ABI3BP: variants seen among roughly 807,000 people sequenced by gnomAD.
ABI3BP encodes the protein ABI family member 3 binding protein.
A neutral mutation model predicts 268.6 loss-of-function variants in ABI3BP; 216 were observed. The observed-to-expected ratio is 0.80, with a 90% confidence interval of 0.72 to 0.90. The LOEUF is 0.90. Ranked by LOEUF, ABI3BP falls within the 40% of genes least tolerant of loss-of-function variation. The pLI, the probability that ABI3BP is intolerant of heterozygous loss-of-function variation, is 0.00. For synonymous variants in ABI3BP, 730 were observed against 730.0 expected, an observed-to-expected ratio of 1.00 and a Z score of 0.00; for missense variants, 2,090 against 2,182.4, an observed-to-expected ratio of 0.96 and a Z score of 0.84.
intron 4 of ABI3BP, among the ~76,000 whole-genome samples, chr3:100,889,908 C>A (rs775725408): frequency 2.0e-5 from 3 of 152,112 alleles, no homozygotes; most frequent in African/African-American, 2.4e-5. Flanking sequence ...GGCATCTCTC[C>A]ACCCTCTTAA....
At chr3:100,867,333 T>A (rs567437867) in intron 9 of ABI3BP, among the ~76,000 whole-genome samples, 63 of 152,178 alleles carry the variant, frequency 4.1e-4, no homozygotes, top group Middle Eastern at 3.4e-3. Flanking sequence ...CTGCCAATTT[T>A]AAAAAATCAA....
intron 1 of ABI3BP, among the ~76,000 whole-genome samples, chr3:100,959,489 C>CAAAAAAAA (rs35465693): frequency 8.1e-4 from 29 of 35,960 alleles, no homozygotes; most frequent in Non-Finnish European, 1.2e-3. Context: ...GACTCCGTCT[C>CAAAAAAAA]AAAAAAAAAA....
chr3:100,935,006 C>A (rs973892305), intron 1 of ABI3BP, among the ~76,000 whole-genome samples: 5 of 151,738 alleles, frequency 3.3e-5, no homozygotes, highest in African/African-American at 9.7e-5. Flanking sequence ...TCTATTCTGG[C>A]TTTTGTTGCC....
intron 51 of ABI3BP, among the ~76,000 whole-genome samples, chr3:100,797,884 C>A (rs894271463): frequency 6.6e-6 from 1 of 151,940 alleles, no homozygotes; most frequent in Non-Finnish European, 1.5e-5. Flanking sequence ...AGAAAGCCCA[C>A]CACAATAGTG....
chr3:100,827,215 G>T (rs1001186746), intron 34 of ABI3BP, among the ~76,000 whole-genome samples: 1 of 152,048 alleles, frequency 6.6e-6, no homozygotes, highest in Non-Finnish European at 1.5e-5. Context: ...CTTTTCGCGT[G>T]GGAAGTTTTT....
rs189707487 is a variant in ABI3BP, at chr3:100,993,292, A to G, written c.79+14T>C. 4.6e-4 allele frequency: 700 copies of G among 1,516,128 alleles called. 5 individuals carry two copies. In the African/African-American group the frequency reaches 8.7e-3, roughly 19 times the overall value. 93.9% of individuals were successfully genotyped at this position (1,516,128 alleles called of 1,614,324 possible). A position where few individuals can be genotyped will look rare whatever the true frequency, so the allele number is the denominator to read the frequency against. ...TAATATTATTTTTAAAACATAAAAC[A>G]TCAGGCTACTTGCCTTTTGGCAATT... On this transcript the variant is annotated intron_variant, in intron 1 of 67. Transcript: ENST00000471714.
At chr3:100,873,783 G>A (rs1445413593) in intron 9 of ABI3BP, among the ~76,000 whole-genome samples, 1 of 152,202 alleles carries the variant, frequency 6.6e-6, no homozygotes, top group East Asian at 1.9e-4. Context: ...AGAATGAGCA[G>A]GTGCCATGCC....
chr3:100,846,513 A>G, intron 19 of ABI3BP, 67 bp from the exon 20 acceptor site: 1 of 1,177,104 alleles, frequency 8.5e-7, no homozygotes, highest in Non-Finnish European at 1.2e-6. Flanking sequence ...CTAAAAACAC[A>G]GAAGGAAAAC....
At chr3:100,944,375 C>T (rs1036622619) in intron 1 of ABI3BP, among the ~76,000 whole-genome samples, 1 of 152,020 alleles carries the variant, frequency 6.6e-6, no homozygotes, top group African/African-American at 2.4e-5. Flanking sequence ...AGTTTGGGCA[C>T]TCATTAAATT....
intron 1 of ABI3BP, among the ~76,000 whole-genome samples, chr3:100,932,662 C>A (rs2064088957): frequency 6.6e-6 from 1 of 151,962 alleles, no homozygotes; most frequent in Non-Finnish European, 1.5e-5. Context: ...CATCTCACAC[C>A]ATCAGAATGG....
intron 19 of ABI3BP, chr3:100,846,688 T>C (rs2152990000): frequency 3.1e-6 from 1 of 327,528 alleles, no homozygotes; most frequent in Non-Finnish European, 5.6e-6. Flanking sequence ...AATATAGCAT[T>C]ACTACTAAAT....
Position 100,820,215 on chromosome 3 carries a change from T to G in ABI3BP, c.3031+5A>C. 1 of 1,535,390 alleles carries G rather than the reference T, an allele frequency of 6.5e-7. No homozygotes were observed. The highest frequency in any genetic ancestry group is 8.7e-7 in the Non-Finnish European group (1 of 1,146,284). ...GAGCTACTTTAACCAGAAACCCAAA[T>G]TTACCCAGTTTGGTTTGAGGAACCT... On this transcript the variant is annotated splice_donor_5th_base_variant and intron_variant, in intron 40 of 67. Coordinates refer to ENST00000471714, the MANE Select transcript of ABI3BP (RefSeq NM_001375547.2).
chr3:100,836,092 T>C (rs2098582207), intron 27 of ABI3BP, among the ~76,000 whole-genome samples: 1 of 152,182 alleles, frequency 6.6e-6, no homozygotes, highest in Non-Finnish European at 1.5e-5. Flanking sequence ...TACTGGAGAT[T>C]TGTGAGAGTT....
At chr3:100,824,992 C>T (rs2098342894) in intron 35 of ABI3BP, 51 bp from the exon 36 acceptor site, 1 of 1,454,764 alleles carries the variant, frequency 6.9e-7, no homozygotes, top group East Asian at 2.5e-5. Context: ...ATTCTGGATA[C>T]TGAGGAAAGG....
chr3:100,952,473 T>G (rs2075408944), intron 1 of ABI3BP, among the ~76,000 whole-genome samples: 1 of 152,180 alleles, frequency 6.6e-6, no homozygotes, highest in African/African-American at 2.4e-5. Context: ...ATATACTGCA[T>G]CTTTTGTACT....
chr3:100,928,275 A>AT (rs1308758580), intron 1 of ABI3BP, among the ~76,000 whole-genome samples: 7 of 152,018 alleles, frequency 4.6e-5, no homozygotes, highest in Non-Finnish European at 1.0e-4. Context: ...TATTTAAAAA[A>AT]TATTTTGACT....
At chr3:100,970,157 T>C (rs1454590860) in intron 1 of ABI3BP, among the ~76,000 whole-genome samples, 2 of 152,332 alleles carry the variant, frequency 1.3e-5, no homozygotes, top group Non-Finnish European at 2.9e-5. Context: ...AGGGCACTCT[T>C]ATCCATACGC....
In ABI3BP at chr3:100,789,511, G is replaced by A; in HGVS notation, c.4030C>T (p.His1344Tyr). The A allele has an allele frequency of 6.3e-7, 1 of 1,593,576 alleles. No individual in the cohort carries two copies. The highest frequency in any genetic ancestry group is 8.6e-7 in the Non-Finnish European group (1 of 1,169,032). Reference protein sequence around the residue: ...TELAKTTQAPHRFYTTVRPRT... With the variant: ...TELAKTTQAPYRFYTTVRPRT... ...GGCCTCACAGTAGTATAAAATCTGT[G>A]TGGCGCTGAAACAGAGGAACACTTT... The change falls in exon 56 of 68, where the codon CAC becomes TAC. Residue 1344 changes from histidine (H) to tyrosine (Y), a missense_variant. His to Tyr is a moderately conservative substitution (Grantham distance 83). Coordinates refer to ENST00000471714, the MANE Select transcript of ABI3BP (RefSeq NM_001375547.2).
Position 100,763,689 on chromosome 3 carries a change from A to G in ABI3BP, c.4850+2152T>C, listed in dbSNP as rs184433811. Among the ~76,000 whole-genome samples the G allele has an allele frequency of 2.9e-4, 44 of 152,264 alleles. 1 individual carries two copies. In the East Asian group the frequency reaches 7.7e-3, roughly 27 times the overall value. ...TAGAATAAGTCCTAAAACAATTACA[A>G]CCAGAAGCTACATGTGAGCCCCATG... On this transcript the variant is annotated intron_variant, in intron 63 of 67. Transcript: ENST00000471714.
Sources: gnomAD v4.1 joint callset for allele counts (sites outside exome capture counted in the v4.1 genomes callset) on GRCh38, gnomAD v4.1.1 for gene constraint, MANE v1.5 for transcripts, NCBI Gene and HGNC (gene_info 2026-07-23, HGNC 2026-07-21) for gene names.